The following PYM1 variants were observed in gnomAD, a reference collection of about 807,000 sequenced individuals.
The protein encoded by PYM1 is partner of Y14 and mago.
In PYM1, 7 loss-of-function variants were observed where a neutral mutation model predicts 20.7. That is an observed-to-expected ratio of 0.34 (90% CI 0.19 to 0.64). PYM1 has a LOEUF of 0.64. Ranked by LOEUF, PYM1 falls within the 30% of genes least tolerant of loss-of-function variation. The probability of loss-of-function intolerance (pLI) is 0.74; values close to 1 mark genes in which losing one functional copy is unlikely to be tolerated. For missense variants in PYM1, 194 were observed against 250.0 expected (o/e 0.78, Z 1.51); for synonymous variants, 100 against 99.2 (o/e 1.01, Z -0.05).
chr12:55,912,123 T>C lies in PYM1; in HGVS notation c.38-8643A>G, dbSNP rs539451781. On this transcript the variant is annotated intron_variant, in intron 1 of 2. Coordinates refer to ENST00000408946, the MANE Select transcript of PYM1 (RefSeq NM_032345.3). ...CAACACTTTGGGAAGCCGAGGCAGG[T>C]GGGTCACCTGAGGTCAGGAATTCGA... is the stretch of plus-strand genomic sequence containing the variant. Among the ~76,000 whole-genome samples, 32 of 151,622 alleles carry C rather than the reference T, an allele frequency of 2.1e-4. No homozygotes were observed. In the South Asian group the frequency reaches 4.2e-3, roughly 20 times the overall value.
At chr12:55,912,882 T>G (rs1882949030) in intron 1 of PYM1, among the ~76,000 whole-genome samples, 1 of 150,978 alleles carries the variant, frequency 6.6e-6, no homozygotes, top group African/African-American at 2.4e-5. Context: ...GAGAATCACT[T>G]GAACCCGGGA....
chr12:55,906,053 G>A (rs1043809775), intron 1 of PYM1, among the ~76,000 whole-genome samples: 2 of 146,430 alleles, frequency 1.4e-5, no homozygotes, highest in Admixed American at 1.4e-4. Flanking sequence ...TATCATTGGC[G>A]AGAAAAACTA....
intron 1 of PYM1, among the ~76,000 whole-genome samples, chr12:55,905,843 A>ATATAT (rs1882790603): frequency 8.2e-6 from 1 of 121,526 alleles, no homozygotes; most frequent in African/African-American, 3.1e-5. Flanking sequence ...TATATTAGAT[A>ATATAT]TATATATTAT....
intron 1 of PYM1, among the ~76,000 whole-genome samples, chr12:55,910,661 C>T (rs559493266): frequency 1.3e-5 from 2 of 152,262 alleles, no homozygotes; most frequent in Admixed American, 1.3e-4. Flanking sequence ...CCAGGCTGGT[C>T]TCAAACTCCT....
At chr12:55,918,092 C>CT (rs1370515001) in intron 1 of PYM1, among the ~76,000 whole-genome samples, 6,484 of 143,326 alleles carry the variant, frequency 0.045, 370 homozygotes, top group African/African-American at 0.14. Context: ...TACACATTTT[C>CT]TTTTTTTTTT....
In PYM1 at chr12:55,907,064, C is replaced by T. The variant is rs573372656; in HGVS notation, c.38-3584G>A. 9.0e-4 allele frequency among the ~76,000 whole-genome samples: 128 copies of T among 142,896 alleles called. 2 individuals are homozygous for T. The highest frequency in any genetic ancestry group is 6.7e-3 in the Admixed American group (92 of 13,630). 93.7% of individuals were successfully genotyped at this position (142,896 alleles called of 152,430 possible). ...TACCAAACTGTTAATACATATCAAACATATATATATATATGTTAAGAGAGA... is the reference window on the plus strand; with the variant it reads ...TACCAAACTGTTAATACATATCAAATATATATATATATATGTTAAGAGAGA... On this transcript the variant is annotated intron_variant, in intron 1 of 2. Coordinates refer to ENST00000408946, the MANE Select transcript of PYM1 (RefSeq NM_032345.3).
chr12:55,922,039 CG>C (rs1034079908), intron 1 of PYM1, among the ~76,000 whole-genome samples: 8 of 150,756 alleles, frequency 5.3e-5, no homozygotes, highest in Non-Finnish European at 8.9e-5. Context: ...TTACCCAGCT[CG>C]TTTTTTTTTT....
intron 1 of PYM1, chr12:55,927,420 C>A (rs1382417458): frequency 1.4e-6 from 1 of 708,660 alleles, no homozygotes; most frequent in South Asian, 1.5e-5. Context: ...ACGTCCAGGA[C>A]CTGCGAGGGA....
At position 55,927,719 on chromosome 12, in the gene PYM1, G is replaced by A. The variant is rs1301716057; in HGVS notation, c.37+6C>T. The A allele has an allele frequency of 6.5e-7, 1 of 1,539,806 alleles. No individual in the cohort carries two copies. Among genetic ancestry groups the A allele is most frequent in the Non-Finnish European group, 8.7e-7 (1 of 1,146,408 alleles). On this transcript the variant is annotated splice_donor_region_variant and intron_variant, in intron 1 of 2. Transcript: ENST00000408946. ...TGCAAGGCGGAGGGCGCCGCGGGTCGGTCACCTGTCTCCGTAGCCGCAGGG... is the reference window on the plus strand; with the variant it reads ...TGCAAGGCGGAGGGCGCCGCGGGTCAGTCACCTGTCTCCGTAGCCGCAGGG...
chr12:55,904,172 A>G (rs1049072666), intron 1 of PYM1, among the ~76,000 whole-genome samples: 1 of 151,854 alleles, frequency 6.6e-6, no homozygotes, highest in Non-Finnish European at 1.5e-5. Context: ...TCGCCATGTC[A>G]GCCAGGCTAG....
intron 1 of PYM1, among the ~76,000 whole-genome samples, chr12:55,907,649 AAATTGGAGGCC>A (rs1204444703): frequency 6.5e-4 from 92 of 140,462 alleles, no homozygotes; most frequent in African/African-American, 2.6e-3. Context: ...AAAAAAAAAA[AAATTGGAGGCC>A]AGGCGCAGTG....
chr12:55,911,596 T>G (rs1882923905), intron 1 of PYM1, among the ~76,000 whole-genome samples: 1 of 151,986 alleles, frequency 6.6e-6, no homozygotes, highest in African/African-American at 2.4e-5. Context: ...ATCACAGCAC[T>G]TTGGGAGGCC....
chr12:55,911,061 G>T (rs1310185187), intron 1 of PYM1, among the ~76,000 whole-genome samples: 1 of 152,140 alleles, frequency 6.6e-6, no homozygotes, highest in Non-Finnish European at 1.5e-5. Flanking sequence ...TCGGCATTGG[G>T]AGAGCCTGGA....
chr12:55,915,997 G>A (rs1276988156), intron 1 of PYM1, among the ~76,000 whole-genome samples: 2 of 152,222 alleles, frequency 1.3e-5, no homozygotes, highest in Admixed American at 6.6e-5. Flanking sequence ...ACGATAGATA[G>A]ATATCATCAT....
intron 1 of PYM1, among the ~76,000 whole-genome samples, chr12:55,917,084 A>T (rs1219052500): frequency 6.6e-6 from 1 of 152,148 alleles, no homozygotes; most frequent in Non-Finnish European, 1.5e-5. Flanking sequence ...CCTGGGCAAC[A>T]GAGTGAAACT....
chr12:55,916,774 T>A (rs1438293389), intron 1 of PYM1, among the ~76,000 whole-genome samples: 1 of 151,936 alleles, frequency 6.6e-6, no homozygotes, highest in Non-Finnish European at 1.5e-5. Context: ...CTCCACAGCC[T>A]GGGCAACAAC....
intron 1 of PYM1, among the ~76,000 whole-genome samples, chr12:55,917,425 C>CAA (rs199759498): frequency 6.7e-6 from 1 of 148,706 alleles, no homozygotes; most frequent in Non-Finnish European, 1.5e-5. Flanking sequence ...CATCTCAAAA[C>CAA]AAAAAAAAAT....
At chr12:55,920,723 T>A (rs758993330) in intron 1 of PYM1, among the ~76,000 whole-genome samples, 1 of 151,602 alleles carries the variant, frequency 6.6e-6, no homozygotes, top group Non-Finnish European at 1.5e-5. Context: ...AGTGTTCTTA[T>A]AATAAAAATT....
chr12:55,902,466 T>C, intron 2 of PYM1, 111 bp from the exon 3 acceptor site: 1 of 1,428,694 alleles, frequency 7.0e-7, no homozygotes, highest in Admixed American at 2.5e-5. Flanking sequence ...CCTTTTTTTG[T>C]TGTTGTTTTT....
Sources: allele counts gnomAD v4.1 joint callset (sites outside exome capture counted in the v4.1 genomes callset), GRCh38; gene constraint gnomAD v4.1.1; transcripts MANE v1.5; gene names NCBI Gene and HGNC (gene_info 2026-07-23, HGNC 2026-07-21).